SPRING1: variants seen among roughly 807,000 people sequenced by gnomAD.
The protein encoded by SPRING1 is SREBP regulating gene protein.
Under a neutral mutation model 24.7 loss-of-function variants are expected in SPRING1, and 14 were observed. The observed-to-expected ratio is 0.57, with a 90% CI of 0.37 to 0.88. The LOEUF (loss-of-function observed/expected upper bound fraction) is 0.88. Among genes scored for constraint, SPRING1 ranks in the 40% least tolerant of loss-of-function variants. The pLI is 0.00. For synonymous variants in SPRING1, 93 were observed against 106.1 expected, an observed-to-expected ratio of 0.88 and a Z score of 0.76; for missense variants, 255 against 268.4, an observed-to-expected ratio of 0.95 and a Z score of 0.35.
intron 1 of SPRING1, among the ~76,000 whole-genome samples, chr12:116,727,008 CTT>C (rs2137039394): frequency 6.6e-6 from 1 of 152,316 alleles, no homozygotes; most frequent in Admixed American, 6.5e-5. Context: ...GCAGAAATAA[CTT>C]AGCAATGTTT....
Position 116,713,564 on chromosome 12 carries a change from T to TGAA in SPRING1, c.*4243_*4245dup, listed in dbSNP as rs1869965728. On this transcript the variant is annotated 3_prime_UTR_variant, in exon 5 of 5. Coordinates refer to ENST00000261318, the MANE Select transcript of SPRING1 (RefSeq NM_024738.4). ...AATGGACACTTCCATACACACTAGG[T>TGAA]GAATATATTGGTGAAAATAGTTCAG... 1 of 152,226 alleles carries TGAA rather than the reference T, an allele frequency of 6.6e-6. No individual in the cohort carries two copies. The highest frequency in any genetic ancestry group is 1.5e-5 in the Non-Finnish European group (1 of 68,040). 9.4% of individuals were successfully genotyped at this position (152,226 alleles called of 1,614,324 possible). A position where few individuals can be genotyped will look rare whatever the true frequency, so the allele number is the denominator to read the frequency against.
chr12:116,733,345 G>A (rs1038522498), intron 1 of SPRING1, among the ~76,000 whole-genome samples: 3 of 147,230 alleles, frequency 2.0e-5, no homozygotes, highest in Admixed American at 2.0e-4. Flanking sequence ...ACCAAGCCTG[G>A]TTAATTTTTT....
In SPRING1 at chr12:116,720,238, C is replaced by G. The variant is rs1870359338; in HGVS notation, c.420+58G>C. ...CTCACATGAAGAGCCTAATGCTCAT[C>G]ATAAAACAGAGGCCGAAAGAAAAAA... On this transcript the variant is annotated intron_variant, in intron 3 of 4. Transcript: ENST00000261318. This position sits in a 1 kb window ranked among gnomAD's most constrained non-coding sequence, Gnocchi z 4.0. 5.8e-6 allele frequency: 9 copies of G among 1,541,418 alleles called. No individual in the cohort carries two copies. Among genetic ancestry groups the G allele is most frequent in the African/African-American group, 2.8e-5 (2 of 72,154 alleles).
intron 1 of SPRING1, among the ~76,000 whole-genome samples, chr12:116,733,033 A>C (rs1871054602): frequency 1.3e-5 from 2 of 152,232 alleles, no homozygotes; most frequent in South Asian, 4.1e-4. Flanking sequence ...TATACAGCAC[A>C]GTAATAAAGA....
intron 2 of SPRING1, 108 bp downstream of exon 2, chr12:116,722,959 G>C (rs1276365304): frequency 1.4e-6 from 2 of 1,379,764 alleles, no homozygotes; most frequent in Non-Finnish European, 2.0e-6. Flanking sequence ...AGATGAGCGA[G>C]GAGAGAAAAT....
intron 1 of SPRING1, among the ~76,000 whole-genome samples, chr12:116,735,681 T>C (rs1871185814): frequency 6.6e-6 from 1 of 151,170 alleles, no homozygotes; most frequent in Admixed American, 6.6e-5. Context: ...TGCAGTGAGC[T>C]GAGATCATGC....
chr12:116,721,005 CCACGG>C lies in SPRING1; in HGVS notation c.269-563_269-559del, dbSNP rs1439488232. Among the ~76,000 whole-genome samples, 3 of 152,134 alleles carry C rather than the reference CCACGG, an allele frequency of 2.0e-5. No individual in the cohort carries two copies. In the East Asian group the frequency reaches 5.8e-4, roughly 29 times the overall value. ...ATAAACTGATTTATACGTGTACGTG[CCACGG>C]ACTCAATCACCCTTTGGCCTTTGGG... On this transcript the variant is annotated intron_variant, in intron 2 of 4. Coordinates refer to ENST00000261318, the MANE Select transcript of SPRING1 (RefSeq NM_024738.4).
At position 116,711,841 on chromosome 12, in the gene SPRING1, C is replaced by G. The variant is rs908481052; in HGVS notation, c.*5969G>C. ...ATGTTGCTCAGGCTGGTCTCGAATT[C>G]TGGGCTCAAGCAATCCTCTCACCTT... is the stretch of plus-strand genomic sequence containing the variant. On this transcript the variant is annotated 3_prime_UTR_variant, in exon 5 of 5. Transcript: ENST00000261318. 1.1e-4 allele frequency: 17 copies of G among 152,472 alleles called. No individual in the cohort carries two copies. The highest frequency in any genetic ancestry group is 4.1e-4 in the African/African-American group (17 of 41,436). The allele number at this position is 152,472 out of a possible 1,614,324, so 9.4% of individuals were successfully genotyped here.
chr12:116,734,922 T>A (rs1871151354), intron 1 of SPRING1, among the ~76,000 whole-genome samples: 1 of 152,198 alleles, frequency 6.6e-6, no homozygotes, highest in Admixed American at 6.5e-5. Flanking sequence ...GATGATCCCA[T>A]CTTTTTAAAG....
At position 116,720,338 on chromosome 12, in the gene SPRING1, G is replaced by C; in HGVS notation, c.378C>G (p.Ser126Arg). 1 of 1,614,126 alleles carries C rather than the reference G, an allele frequency of 6.2e-7. No homozygotes were observed. ...AGCAGGAGACACAGTACTCATAGGC[G>C]CTGCAGCAGCCGTTGGGCCAGCAGC... ...CDGCWPNGCC[S>R]AYEYCVSCCL... Residue 126 changes from serine to arginine, a missense_variant, in exon 3 of 5, where the codon AGC becomes AGG. Coordinates refer to ENST00000261318, the MANE Select transcript of SPRING1 (RefSeq NM_024738.4). This position sits in a 1 kb window ranked among gnomAD's most constrained non-coding sequence, Gnocchi z 4.0.
At chr12:116,726,516 G>A (rs1566059447) in intron 1 of SPRING1, among the ~76,000 whole-genome samples, 2 of 152,138 alleles carry the variant, frequency 1.3e-5, no homozygotes, top group African/African-American at 4.8e-5. Flanking sequence ...CGGGAGGGGG[G>A]CGGTTATACA....
Position 116,737,947 on chromosome 12 carries a change from G to A in SPRING1, c.-47C>T. On this transcript the variant is annotated 5_prime_UTR_variant, in exon 1 of 5. Coordinates refer to ENST00000261318, the MANE Select transcript of SPRING1 (RefSeq NM_024738.4). ...GGCGGCCGGGGCGCGGAACGCGGCA[G>A]GCCCGGGTCCCGGGCGGCATGGCCC... 1.5e-6 allele frequency: 2 copies of A among 1,348,910 alleles called. No individual in the cohort carries two copies. The highest frequency in any genetic ancestry group is 1.9e-6 in the Non-Finnish European group (2 of 1,048,992). The allele number at this position is 1,348,910 out of a possible 1,614,324, so 83.6% of individuals were successfully genotyped here.
chr12:116,710,825 A>G lies in SPRING1; in HGVS notation c.*6985T>C, dbSNP rs1162912986. 1 of 152,188 alleles carries G rather than the reference A, an allele frequency of 6.6e-6. No individual in the cohort carries two copies. The highest frequency in any genetic ancestry group is 1.9e-4 in the East Asian group (1 of 5,200). The allele number at this position is 152,188 out of a possible 1,614,324, so 9.4% of individuals were successfully genotyped here. Reference sequence around the variant, plus strand: ...GGGCTCTGGTCTTGCTTTAACAGCCAGGGGGACTTTTGGCTTGTTACAAAA... The same window carrying G: ...GGGCTCTGGTCTTGCTTTAACAGCCGGGGGGACTTTTGGCTTGTTACAAAA... On this transcript the variant is annotated 3_prime_UTR_variant, in exon 5 of 5. Transcript: ENST00000261318.
At position 116,716,270 on chromosome 12, in the gene SPRING1, G is replaced by A. The variant is rs1870125935; in HGVS notation, c.*1540C>T. 6.6e-6 allele frequency: 1 copy of A among 152,172 alleles called. No homozygotes were observed. The highest frequency in any genetic ancestry group is 6.5e-5 in the Admixed American group (1 of 15,282). 9.4% of individuals were successfully genotyped at this position (152,172 alleles called of 1,614,324 possible). A position where few individuals can be genotyped will look rare whatever the true frequency, so the allele number is the denominator to read the frequency against. On this transcript the variant is annotated 3_prime_UTR_variant, in exon 5 of 5. Transcript: ENST00000261318. ...ATAATTTGGGGAGATGAGTATAAGA[G>A]GTAGTAGGAGGAAGCTAAGGGAAAT...
In SPRING1 at chr12:116,720,574, C is replaced by T. The variant is rs1274125152; in HGVS notation, c.269-127G>A. 5.5e-6 allele frequency: 7 copies of T among 1,277,536 alleles called. No homozygotes were observed. The South Asian group carries it at 5.7e-5, about 10-fold the overall frequency. The allele number at this position is 1,277,536 out of a possible 1,614,324, so 79.1% of individuals were successfully genotyped here. A position where few individuals can be genotyped will look rare whatever the true frequency, so the allele number is the denominator to read the frequency against. ...GAGTCTGGGGCATCATCCTAAGCAC[C>T]GGAGAGCTGGAAACTGGACATAATG... On this transcript the variant is annotated intron_variant, in intron 2 of 4. Coordinates refer to ENST00000261318, the MANE Select transcript of SPRING1 (RefSeq NM_024738.4). This position sits in a 1 kb window ranked among gnomAD's most constrained non-coding sequence, Gnocchi z 4.0.
chr12:116,723,839 G>T (rs758575070), intron 1 of SPRING1, among the ~76,000 whole-genome samples: 1 of 152,174 alleles, frequency 6.6e-6, no homozygotes, highest in Non-Finnish European at 1.5e-5. Context: ...CACCCAGGCC[G>T]GCCAGCCCTC....
At position 116,728,661 on chromosome 12, in the gene SPRING1, C is replaced by G. The variant is rs1046475346; in HGVS notation, c.112-5438G>C. On this transcript the variant is annotated intron_variant, in intron 1 of 4. Transcript: ENST00000261318. The surrounding 1 kb of genome is among the most constrained non-coding windows in gnomAD (Gnocchi z 4.2). ...CTCACCGCAGCGGAGCTAAGGTGCA[C>G]GGGGAGCTTCACAGTGTTCATAGCG... Among the ~76,000 whole-genome samples the G allele has an allele frequency of 6.6e-6, 1 of 152,230 alleles. No individual in the cohort carries two copies. Among genetic ancestry groups the G allele is most frequent in the African/African-American group, 2.4e-5 (1 of 41,466 alleles).
In SPRING1 at chr12:116,728,623, A is replaced by AT. The variant is rs1404064131; in HGVS notation, c.112-5401dup. ...AGGCAAAAGCTGCCGCATCTGCGCC[A>AT]TGAGTTTCCAGTCTCACCGCAGCGG... On this transcript the variant is annotated intron_variant, in intron 1 of 4. Coordinates refer to ENST00000261318, the MANE Select transcript of SPRING1 (RefSeq NM_024738.4). The surrounding 1 kb of genome is among the most constrained non-coding windows in gnomAD (Gnocchi z 4.2). Among the ~76,000 whole-genome samples, 1 of 152,266 alleles carries AT rather than the reference A, an allele frequency of 6.6e-6. No individual in the cohort carries two copies. Among genetic ancestry groups the AT allele is most frequent in the Non-Finnish European group, 1.5e-5 (1 of 68,042 alleles).
At position 116,737,968 on chromosome 12, in the gene SPRING1, G is replaced by A; in HGVS notation, c.-68C>T. On this transcript the variant is annotated 5_prime_UTR_variant, in exon 1 of 5. Coordinates refer to ENST00000261318, the MANE Select transcript of SPRING1 (RefSeq NM_024738.4). ...GGCAGGCCCGGGTCCCGGGCGGCAT[G>A]GCCCCTACGCGCCCGGCAGCCCCAT... 8.0e-7 allele frequency: 1 copy of A among 1,247,176 alleles called. No homozygotes were observed. The highest frequency in any genetic ancestry group is 3.0e-5 in the South Asian group (1 of 33,590). The allele number at this position is 1,247,176 out of a possible 1,614,324, so 77.3% of individuals were successfully genotyped here.
Sources: gnomAD v4.1 joint callset for allele counts (sites outside exome capture counted in the v4.1 genomes callset) on GRCh38, gnomAD v4.1.1 for gene constraint, Gnocchi (gnomAD v3.1) non-coding constraint, MANE v1.5 for transcripts, NCBI Gene and HGNC (gene_info 2026-07-23, HGNC 2026-07-21) for gene names.